The following TENM1 variants were observed in gnomAD, a reference collection of about 807,000 sequenced individuals.
The protein encoded by TENM1 is teneurin transmembrane protein 1.
In TENM1, 35 loss-of-function variants were observed where a neutral mutation model predicts 174.8. The observed-to-expected ratio is 0.20, with a 90% CI of 0.15 to 0.27. The LOEUF (loss-of-function observed/expected upper bound fraction) is 0.27, where lower values mean the gene tolerates loss of function less well. Among genes scored for constraint, TENM1 ranks in the 10% least tolerant of loss-of-function variants. The probability of loss-of-function intolerance (pLI) is 1.00; values close to 1 mark genes in which losing one functional copy is unlikely to be tolerated. For missense variants in TENM1, 1,633 were observed against 2,130.1 expected (o/e 0.77, Z 4.59); for synonymous variants, 781 against 798.7 (o/e 0.98, Z 0.37).
intron 1 of TENM1, among the ~76,000 whole-genome samples, chrX:124,924,936 G>A (rs2058072155): frequency 9.1e-6 from 1 of 110,138 alleles, no homozygotes; most frequent in Non-Finnish European, 1.9e-5. Context: ...TGGCCATAGA[G>A]GCTATTGTGC....
intron 23 of TENM1, among the ~76,000 whole-genome samples, chrX:124,425,995 GGTGTGTGTGTGTGTGTGTGT>G (rs200141105): frequency 2.6e-4 from 23 of 88,001 alleles, no homozygotes; most frequent in African/African-American, 6.6e-4. Flanking sequence ...CAAAAGGACT[GGTGTGTGTGTGTGTGTGTGT>G]GTGTGTGTGT....
At chrX:124,653,673 G>A in exon 7 of TENM1, 1 of 1,210,229 alleles carries the variant, frequency 8.3e-7, no homozygotes, top group Non-Finnish European at 1.1e-6. Context: ...AGATATATTG[G>A]ATGGTGGATA....
intron 28 of TENM1, among the ~76,000 whole-genome samples, chrX:124,390,808 A>G (rs2060274202): frequency 8.9e-6 from 1 of 112,625 alleles, no homozygotes; most frequent in Non-Finnish European, 1.9e-5. Context: ...TGTAGGCACT[A>G]GTCACACGGT....
chrX:125,148,116 G>A, the TENM1 span, among the ~76,000 whole-genome samples: 1 of 110,821 alleles, frequency 9.0e-6, no homozygotes, highest in African/African-American at 3.3e-5. Context: ...CCCAGTCTGC[G>A]CTACTAGCCC....
intron 22 of TENM1, among the ~76,000 whole-genome samples, chrX:124,479,182 G>T (rs975074421): frequency 8.9e-6 from 1 of 112,269 alleles, no homozygotes; most frequent in African/African-American, 3.2e-5. Context: ...TGTTAGCATG[G>T]TTGAAGGAGA....
the TENM1 span, among the ~76,000 whole-genome samples, chrX:125,178,962 C>T: frequency 2.8e-5 from 3 of 106,980 alleles, no homozygotes; most frequent in Non-Finnish European, 3.8e-5. Context: ...AAGCGTGAGA[C>T]CCCATCTCCT....
At chrX:125,066,287 G>A in the TENM1 span, among the ~76,000 whole-genome samples, 1 of 111,602 alleles carries the variant, frequency 9.0e-6, no homozygotes, top group Admixed American at 9.5e-5. Context: ...AATGCAGATG[G>A]TCTGGGACTA....
rs139497924 is a variant in TENM1 at position 124,707,914 on chromosome X, C to T, written c.777-2663G>A. Among the ~76,000 whole-genome samples, 584 of 112,322 alleles carry T rather than the reference C, an allele frequency of 5.2e-3. 4 individuals carry two copies. The highest frequency in any genetic ancestry group is 0.016 in the African/African-American group (500 of 30,931). ...TGGACACCAGCTGTGGCCAAGATCC[C>T]GCCAGCATTTGGGGACTTCCCCCAG... is the stretch of plus-strand genomic sequence containing the variant. On this transcript the variant is annotated intron_variant, in intron 4 of 31. Coordinates refer to ENST00000422452, the Ensembl canonical transcript of TENM1.
rs540263081 is a variant in TENM1, at chrX:124,775,358, A to G, written c.536-38161T>C. On this transcript the variant is annotated intron_variant, in intron 3 of 31. Coordinates refer to ENST00000422452, the Ensembl canonical transcript of TENM1. ...ACTGTTGTTTGCTTACCTAGCAGCCATTAACCTCTTTTGCATTGCTAACAG... is the reference window on the plus strand; with the variant it reads ...ACTGTTGTTTGCTTACCTAGCAGCCGTTAACCTCTTTTGCATTGCTAACAG... Among the ~76,000 whole-genome samples the G allele has an allele frequency of 5.3e-4, 58 of 110,256 alleles. No individual in the cohort carries two copies. The South Asian group carries it at 0.022, about 41-fold the overall frequency.
At chrX:125,114,430 C>CG in the TENM1 span, among the ~76,000 whole-genome samples, 2 of 98,882 alleles carry the variant, frequency 2.0e-5, no homozygotes, top group African/African-American at 4.6e-5. Flanking sequence ...AAAAAACCTT[C>CG]GAAAAAATCA....
intron 6 of TENM1, among the ~76,000 whole-genome samples, chrX:124,654,623 T>C (rs750098720): frequency 6.3e-5 from 7 of 111,295 alleles, no homozygotes; most frequent in Non-Finnish European, 1.1e-4. Flanking sequence ...GTGTAGGGTA[T>C]GTGTCTATAG....
At chrX:125,039,277 G>T in the TENM1 span, among the ~76,000 whole-genome samples, 2 of 111,123 alleles carry the variant, frequency 1.8e-5, no homozygotes, top group Admixed American at 1.9e-4. Context: ...TAATTTTTAC[G>T]ATGATTTGTG....
intron 3 of TENM1, among the ~76,000 whole-genome samples, chrX:124,869,787 G>A (rs1046268631): frequency 9.5e-6 from 1 of 105,493 alleles, no homozygotes; most frequent in Non-Finnish European, 1.9e-5. Flanking sequence ...AATTGAACTC[G>A]CAGACACAGA....
chrX:124,720,405 T>G (rs1262532362), intron 4 of TENM1, among the ~76,000 whole-genome samples: 1 of 112,032 alleles, frequency 8.9e-6, no homozygotes, highest in African/African-American at 3.3e-5. Context: ...AGACAGAAAA[T>G]GTTTAAATCT....
chrX:125,154,238 AT>A, the TENM1 span, among the ~76,000 whole-genome samples: 1 of 112,164 alleles, frequency 8.9e-6, no homozygotes. Flanking sequence ...CTGGCATTAC[AT>A]TTTTTTAATT....
chrX:124,709,502 G>T (rs974611998), intron 4 of TENM1, among the ~76,000 whole-genome samples: 2 of 109,149 alleles, frequency 1.8e-5, no homozygotes, highest in Non-Finnish European at 3.8e-5. Flanking sequence ...GAGAATGATG[G>T]CTACAGAATC....
intron 11 of TENM1, among the ~76,000 whole-genome samples, chrX:124,583,217 G>A (rs775878269): frequency 3.6e-5 from 4 of 111,396 alleles, no homozygotes; most frequent in Admixed American, 9.4e-5. Context: ...ATCTGAGAAC[G>A]GGCAGACTGC....
chrX:124,977,939 A>AGTGTGTGT, the TENM1 span, among the ~76,000 whole-genome samples: 1 of 55,767 alleles, frequency 1.8e-5, no homozygotes, highest in Non-Finnish European at 3.5e-5. Context: ...GGCTCTGTTT[A>AGTGTGTGT]GTGTGTGTGT....
At chrX:124,831,847 AC>A (rs769933575) in intron 3 of TENM1, among the ~76,000 whole-genome samples, 1 of 111,401 alleles carries the variant, frequency 9.0e-6, no homozygotes, top group South Asian at 3.8e-4. Flanking sequence ...ATGACTTTCT[AC>A]CCTCTCCAAA....
Sources: allele counts gnomAD v4.1 joint callset (sites outside exome capture counted in the v4.1 genomes callset), GRCh38; gene constraint gnomAD v4.1.1; transcripts MANE v1.5; gene names NCBI Gene and HGNC (gene_info 2026-07-23, HGNC 2026-07-21).